Variants in LGI1 observed in about 807,000 individuals in gnomAD.
The protein encoded by LGI1 is leucine rich glioma inactivated 1, also known as leucine-rich glioma-inactivated protein 1.
A neutral mutation model predicts 57.7 loss-of-function variants in LGI1; 11 were observed. That is an observed-to-expected ratio of 0.19 (90% CI 0.12 to 0.32). LGI1 has a LOEUF of 0.32. LGI1 is among the 10% of genes least tolerant of loss of function. The pLI is 1.00. For missense variants in LGI1, 422 were observed against 661.9 expected (o/e 0.64, Z 3.98); for synonymous variants, 222 against 241.9 (o/e 0.92, Z 0.76).
rs1298497678 is a variant in LGI1 at position 93,798,013 on chromosome 10, G to C, written c.*210G>C. 8 of 599,010 alleles carry C rather than the reference G, an allele frequency of 1.3e-5. No individual in the cohort carries two copies. Among genetic ancestry groups the C allele is most frequent in the Admixed American group, 2.9e-5 (1 of 34,664 alleles). The allele number at this position is 599,010 out of a possible 1,614,324, so 37.1% of individuals were successfully genotyped here. A position where few individuals can be genotyped will look rare whatever the true frequency, so the allele number is the denominator to read the frequency against. ...CTTTTATAAGACAAAATTTAATTGT[G>C]TAACTGTTCTTTGCAGTGAAGATGT... is the stretch of plus-strand genomic sequence containing the variant. On this transcript the variant is annotated 3_prime_UTR_variant, in exon 8 of 8. Transcript: ENST00000371418.
chr10:93,763,920 A>G (rs2133981886), intron 2 of LGI1: 1 of 152,360 alleles, frequency 6.6e-6, no homozygotes, highest in African/African-American at 2.4e-5. Context: ...TCCAGAGGGA[A>G]ATGTTAGTTA....
chr10:93,788,602 C>T (rs1329186721), intron 4 of LGI1: 2 of 152,316 alleles, frequency 1.3e-5, no homozygotes, highest in Non-Finnish European at 2.9e-5. Flanking sequence ...AAAAGCCATG[C>T]TCTTTGTCAC....
intron 4 of LGI1, 110 bp downstream of exon 4, chr10:93,777,727 C>G (rs1336653280): frequency 3.7e-6 from 3 of 807,676 alleles, no homozygotes; most frequent in Non-Finnish European, 6.3e-6. Flanking sequence ...TTTAAGAAAC[C>G]CAAATGACTT....
chr10:93,781,154 C>T (rs1211081309), intron 4 of LGI1, among the ~76,000 whole-genome samples: 1 of 151,676 alleles, frequency 6.6e-6, no homozygotes, highest in Admixed American at 6.6e-5. Flanking sequence ...GTCAGGAGAT[C>T]GAGACCATCC....
chr10:93,789,912 T>C, intron 4 of LGI1, 187 bp from the exon 5 acceptor site: 1 of 594,840 alleles, frequency 1.7e-6, no homozygotes, highest in Non-Finnish European at 2.9e-6. Flanking sequence ...GGTGTTGAAG[T>C]GAACAGGTTA....
chr10:93,781,057 A>G (rs1039946382), intron 4 of LGI1, among the ~76,000 whole-genome samples: 1 of 152,150 alleles, frequency 6.6e-6, no homozygotes, highest in Non-Finnish European at 1.5e-5. Flanking sequence ...ACATTTACAG[A>G]TAACTTAAAA....
intron 2 of LGI1, among the ~76,000 whole-genome samples, chr10:93,761,472 T>C (rs542818445): frequency 4.6e-5 from 7 of 152,210 alleles, no homozygotes; most frequent in Non-Finnish European, 1.0e-4. Context: ...CCTATTTCCA[T>C]CATCCACCCT....
At chr10:93,761,756 C>T (rs1326548656) in intron 2 of LGI1, among the ~76,000 whole-genome samples, 2 of 152,156 alleles carry the variant, frequency 1.3e-5, no homozygotes, top group Admixed American at 6.5e-5. Flanking sequence ...TTGTAATATA[C>T]ATTTTTTAAA....
intron 7 of LGI1, among the ~76,000 whole-genome samples, chr10:93,796,076 G>A (rs539592203): frequency 6.6e-6 from 1 of 152,200 alleles, no homozygotes; most frequent in Non-Finnish European, 1.5e-5. Context: ...TTCCCCAAAG[G>A]ATACCAAGCT....
intron 2 of LGI1, among the ~76,000 whole-genome samples, chr10:93,759,531 T>C (rs778187884): frequency 6.6e-6 from 1 of 152,146 alleles, no homozygotes. Flanking sequence ...ATGGAACACA[T>C]AAAATTTGTT....
intron 5 of LGI1, 77 bp from the exon 6 acceptor site, chr10:93,792,666 T>C (rs113637247): frequency 6.9e-7 from 1 of 1,439,750 alleles, no homozygotes; most frequent in Non-Finnish European, 9.8e-7. Flanking sequence ...TCTGCACATG[T>C]TAATTGTTGA....
chr10:93,789,081 T>G (rs1538599), intron 4 of LGI1: 123,354 of 152,098 alleles, frequency 0.81, 54,286 homozygotes, highest in Non-Finnish European at 0.97. Context: ...TTCCTTGACA[T>G]TATCAGGACA....
chr10:93,796,563 A>T (rs973643777), intron 7 of LGI1, among the ~76,000 whole-genome samples: 11 of 152,234 alleles, frequency 7.2e-5, no homozygotes, highest in African/African-American at 2.2e-4. Context: ...GATTGTTGGG[A>T]AAATTAATGA....
At chr10:93,762,561 C>T (rs1384637606) in intron 2 of LGI1, 1 of 152,134 alleles carries the variant, frequency 6.6e-6, no homozygotes, top group African/African-American at 2.4e-5. Flanking sequence ...CCACTCAAGC[C>T]AAACCTATCA....
intron 2 of LGI1, chr10:93,759,240 T>C (rs1347578503): frequency 4.9e-6 from 1 of 203,492 alleles, no homozygotes; most frequent in Admixed American, 5.5e-5. Flanking sequence ...GGCAGGCTGC[T>C]ACTCTGTATG....
intron 4 of LGI1, among the ~76,000 whole-genome samples, chr10:93,784,312 TA>T (rs1393298543): frequency 2.0e-5 from 3 of 152,218 alleles, no homozygotes; most frequent in Non-Finnish European, 4.4e-5. Context: ...GTACGTGGCC[TA>T]AAGTATCACC....
chr10:93,789,570 T>C (rs1415414323), intron 4 of LGI1: 7 of 158,326 alleles, frequency 4.4e-5, no homozygotes, highest in African/African-American at 1.7e-4. Context: ...GGAATCATTG[T>C]TGTTTTTAAC....
At position 93,757,968 on chromosome 10, in the gene LGI1, T is replaced by G; in HGVS notation, c.-177T>G. ...CTCACAGGTCTCTTCCCCCGAGCAG[T>G]GCATTGCTGGAGCGAGGAGAAGCTC... On this transcript the variant is annotated 5_prime_UTR_variant, in exon 1 of 8. Coordinates refer to ENST00000371418, the MANE Select transcript of LGI1 (RefSeq NM_005097.4). The G allele has an allele frequency of 1.5e-6, 1 of 671,422 alleles. No individual in the cohort carries two copies. The highest frequency in any genetic ancestry group is 1.7e-5 in the South Asian group (1 of 59,002). The allele number at this position is 671,422 out of a possible 1,614,324, so 41.6% of individuals were successfully genotyped here.
chr10:93,777,885 A>G (rs904822514), intron 4 of LGI1, among the ~76,000 whole-genome samples: 1 of 152,220 alleles, frequency 6.6e-6, no homozygotes. Context: ...AACTTCTTTT[A>G]TTATCTACAT....
Sources: gnomAD v4.1 joint callset for allele counts (sites outside exome capture counted in the v4.1 genomes callset) on GRCh38, gnomAD v4.1.1 for gene constraint, MANE v1.5 for transcripts, NCBI Gene and HGNC (gene_info 2026-07-23, HGNC 2026-07-21) for gene names.